S1PR2: variants seen among roughly 807,000 people sequenced by gnomAD.
S1PR2 encodes sphingosine 1-phosphate receptor 2.
A neutral mutation model predicts 16.1 loss-of-function variants in S1PR2; 9 were observed. The ratio of observed to expected loss-of-function variants is 0.56; its 90% CI spans 0.34 to 0.98. The LOEUF (loss-of-function observed/expected upper bound fraction) is 0.98. Among genes scored for constraint, S1PR2 ranks in the 50% least tolerant of loss-of-function variants. The pLI is 0.02. For synonymous variants in S1PR2, 224 were observed against 233.9 expected (o/e 0.96, Z 0.38); for missense variants, 361 against 488.4 (o/e 0.74, Z 2.46).
chr19:10,230,973 C>T (rs2039673155), intron 1 of S1PR2, among the ~76,000 whole-genome samples: 2 of 152,342 alleles, frequency 1.3e-5, no homozygotes, highest in East Asian at 3.9e-4. Flanking sequence ...CCGGCGCCAA[C>T]TTCCTGCCGC....
At chr19:10,230,177 G>GC (rs2039661941) in intron 1 of S1PR2, among the ~76,000 whole-genome samples, 2 of 152,300 alleles carry the variant, frequency 1.3e-5, no homozygotes, top group South Asian at 4.1e-4. Flanking sequence ...AGCAGGACCC[G>GC]ACCCCGTGCT....
chr19:10,229,763 A>C (rs947880521), intron 1 of S1PR2, among the ~76,000 whole-genome samples: 1 of 150,650 alleles, frequency 6.6e-6, no homozygotes, highest in African/African-American at 2.4e-5. Flanking sequence ...CCCAGTCTAC[A>C]ATAGCAGCCA....
rs1313606399 is a variant in S1PR2 at position 10,224,143 on chromosome 19, G to A, written c.763C>T (p.Leu255=). Residue 255 remains leucine (L), a synonymous_variant, in exon 2 of 2, where the codon CTG becomes TTG. Transcript: ENST00000646641. Reference sequence around the variant, plus strand: ...GAGTGGACGGGACAGGCATAGTCCAGAAGGAGGATGCTGAAGGCGGGCAGC... The same window carrying A: ...GAGTGGACGGGACAGGCATAGTCCAAAAGGAGGATGCTGAAGGCGGGCAGC... ...CWLPAFSILL[L]DYACPVHSCP... is the part of the protein sequence containing the mutation. 1.2e-6 allele frequency: 2 copies of A among 1,605,758 alleles called. No homozygotes were observed. The highest frequency in any genetic ancestry group is 1.1e-5 in the South Asian group (1 of 91,090).
chr19:10,226,743 T>G (rs1344917164), intron 1 of S1PR2, among the ~76,000 whole-genome samples: 2 of 152,140 alleles, frequency 1.3e-5, no homozygotes, highest in African/African-American at 4.8e-5. Flanking sequence ...GTCCTCACTC[T>G]GCAGTCACAT....
At position 10,222,825 on chromosome 19, in the gene S1PR2, A is replaced by C. The variant is rs2039601367; in HGVS notation, c.*1019T>G. 1 of 152,402 alleles carries C rather than the reference A, an allele frequency of 6.6e-6. No individual in the cohort carries two copies. Among genetic ancestry groups the C allele is most frequent in the Non-Finnish European group, 1.5e-5 (1 of 68,208 alleles). 9.4% of individuals were successfully genotyped at this position (152,402 alleles called of 1,614,324 possible). On this transcript the variant is annotated 3_prime_UTR_variant, in exon 2 of 2. Coordinates refer to ENST00000646641, the MANE Select transcript of S1PR2 (RefSeq NM_004230.4). ...GGCAGGAGGAATACATTCGAAAAGG[A>C]GAAATCGGTGCAGGACTAGGGGCCA...
At chr19:10,226,169 C>T (rs1403232565) in intron 1 of S1PR2, among the ~76,000 whole-genome samples, 4 of 152,208 alleles carry the variant, frequency 2.6e-5, no homozygotes, top group East Asian at 1.9e-4. Context: ...CTGATAGCTC[C>T]GTGCCCTGCT....
chr19:10,224,414 G>C lies in S1PR2; in HGVS notation c.492C>G (p.Gly164=). The change falls in exon 2 of 2, where the codon GGC becomes GGG. Residue 164 remains glycine (G), a synonymous_variant. Transcript: ENST00000646641. ...ASWLISLVLG[G]LPILGWNCLG... ...GGCAGTTCCAGCCAAGGATGGGCAGGCCACCGAGGACCAGCGAGATGAGCC... is the reference window on the plus strand; with the variant it reads ...GGCAGTTCCAGCCAAGGATGGGCAGCCCACCGAGGACCAGCGAGATGAGCC... The C allele has an allele frequency of 1.9e-6, 3 of 1,613,726 alleles. No homozygotes were observed. Among genetic ancestry groups the C allele is most frequent in the Non-Finnish European group, 2.5e-6 (3 of 1,180,000 alleles).
chr19:10,227,783 A>G (rs930895449), intron 1 of S1PR2, among the ~76,000 whole-genome samples: 4 of 152,164 alleles, frequency 2.6e-5, no homozygotes, highest in African/African-American at 9.7e-5. Context: ...TTCTGAGGAT[A>G]GAGTTAATGC....
intron 1 of S1PR2, among the ~76,000 whole-genome samples, chr19:10,227,063 G>A (rs1345042315): frequency 6.6e-6 from 1 of 151,926 alleles, no homozygotes; most frequent in Admixed American, 6.6e-5. Context: ...TCGGCAGAGA[G>A]GATGAGAGGC....
chr19:10,229,432 G>A (rs1198512563), intron 1 of S1PR2, among the ~76,000 whole-genome samples: 1 of 152,008 alleles, frequency 6.6e-6, no homozygotes, highest in Non-Finnish European at 1.5e-5. Flanking sequence ...TGGGATTATA[G>A]GTGCCTACCA....
rs144510483 is a variant in S1PR2 at position 10,224,426 on chromosome 19, C to G, written c.480G>C (p.Leu160=). ...CAAGGATGGGCAGGCCACCGAGGAC[C>G]AGCGAGATGAGCCACGAGGCCCCGA... is the stretch of plus-strand genomic sequence containing the variant. ...LLIGASWLIS[L]VLGGLPILGW... Residue 160 remains leucine, a synonymous_variant, in exon 2 of 2, where the codon CTG becomes CTC. Coordinates refer to ENST00000646641, the MANE Select transcript of S1PR2 (RefSeq NM_004230.4). 1.2e-6 allele frequency: 2 copies of G among 1,613,592 alleles called. No individual in the cohort carries two copies. The highest frequency in any genetic ancestry group is 2.2e-5 in the South Asian group (2 of 91,082).
chr19:10,225,313 C>T lies in S1PR2; in HGVS notation c.-42-366G>A, dbSNP rs376986652. On this transcript the variant is annotated intron_variant, in intron 1 of 1. Transcript: ENST00000646641. ...TCATAGCTCCCTGCAGCCTTGAACT[C>T]CTGGGCTCAAGTGATCCTCCCACCT... Among the ~76,000 whole-genome samples, 53 of 151,902 alleles carry T rather than the reference C, an allele frequency of 3.5e-4. No homozygotes were observed. In the East Asian group the frequency reaches 7.5e-3, roughly 22 times the overall value.
rs535693204 is a variant in S1PR2, at chr19:10,222,571, T to C, written c.*1273A>G. ...TTTGGTGATTATTCTGTGCCCCAAA[T>C]AGTGCAACTGAGCAATGAGGTCTGA... On this transcript the variant is annotated 3_prime_UTR_variant, in exon 2 of 2. Coordinates refer to ENST00000646641, the MANE Select transcript of S1PR2 (RefSeq NM_004230.4). 2 of 152,400 alleles carry C rather than the reference T, an allele frequency of 1.3e-5. No individual in the cohort carries two copies. Among genetic ancestry groups the C allele is most frequent in the Admixed American group, 6.5e-5 (1 of 15,286 alleles). 9.4% of individuals were successfully genotyped at this position (152,400 alleles called of 1,614,324 possible).
At chr19:10,229,700 G>A (rs983840596) in intron 1 of S1PR2, among the ~76,000 whole-genome samples, 2 of 152,172 alleles carry the variant, frequency 1.3e-5, no homozygotes, top group Non-Finnish European at 1.5e-5. Flanking sequence ...CTACCTTATA[G>A]AAAGTGACCT....
rs1339909682 is a variant in S1PR2, at chr19:10,224,918, A to G, written c.-13T>C. The G allele has an allele frequency of 1.3e-6, 2 of 1,597,248 alleles. No individual in the cohort carries two copies. Among genetic ancestry groups the G allele is most frequent in the Admixed American group, 1.7e-5 (1 of 59,272 alleles). ...ACAAGCTGCCCATGGTGGGGCTCAG[A>G]GGCCTGCTGGGGCCATGGGGCTTTC... is the stretch of plus-strand genomic sequence containing the variant. On this transcript the variant is annotated 5_prime_UTR_variant, in exon 2 of 2. Coordinates refer to ENST00000646641, the MANE Select transcript of S1PR2 (RefSeq NM_004230.4).
At chr19:10,230,984 T>C (rs1453603646) in intron 1 of S1PR2, among the ~76,000 whole-genome samples, 2 of 152,114 alleles carry the variant, frequency 1.3e-5, no homozygotes, top group East Asian at 3.9e-4. Context: ...TTCCTGCCGC[T>C]GAGAAAGGCG....
At chr19:10,231,180 C>T (rs2039675093) in intron 1 of S1PR2, 24 bp downstream of exon 1, 1 of 152,374 alleles carries the variant, frequency 6.6e-6, no homozygotes, top group African/African-American at 2.4e-5. Context: ...CCTTTTCTGC[C>T]TCCTTGTCGC....
At position 10,224,644 on chromosome 19, in the gene S1PR2, C is replaced by A. The variant is rs2039618806; in HGVS notation, c.262G>T (p.Ala88Ser). ...SDLLAGVAFV[A>S]NTLLSGSVTL... ...ACAGAGCCAGAGAGCAAGGTATTGG[C>A]TACGAAGGCCACGCCTGCCAGTAGA... Residue 88 changes from alanine (A) to serine (S), a missense_variant, in exon 2 of 2, where the codon GCC becomes TCC. Transcript: ENST00000646641. The A allele has an allele frequency of 6.2e-7, 1 of 1,613,884 alleles. No homozygotes were observed. Among genetic ancestry groups the A allele is most frequent in the Non-Finnish European group, 8.5e-7 (1 of 1,180,022 alleles).
At chr19:10,228,421 A>G (rs1362698161) in intron 1 of S1PR2, among the ~76,000 whole-genome samples, 2 of 152,138 alleles carry the variant, frequency 1.3e-5, no homozygotes, top group Admixed American at 6.5e-5. Flanking sequence ...GGGGTGCTGC[A>G]CTCTCACCTT....
Sources: gnomAD v4.1 joint callset for allele counts (sites outside exome capture counted in the v4.1 genomes callset) on GRCh38, gnomAD v4.1.1 for gene constraint, MANE v1.5 for transcripts, NCBI Gene and HGNC (gene_info 2026-07-23, HGNC 2026-07-21) for gene names.